Variants in DSTN observed in about 807,000 individuals in gnomAD.
DSTN encodes destrin.
Under a neutral mutation model 16.8 loss-of-function variants are expected in DSTN, and 10 were observed. The observed-to-expected ratio is 0.60, with a 90% CI of 0.37 to 1.01. The LOEUF (loss-of-function observed/expected upper bound fraction) is 1.01. Ranked by LOEUF, DSTN falls within the 50% of genes least tolerant of loss-of-function variation. The probability of loss-of-function intolerance (pLI) is 0.01; values close to 1 mark genes in which losing one functional copy is unlikely to be tolerated. For missense variants in DSTN, 141 were observed against 196.7 expected (o/e 0.72, Z 1.69); for synonymous variants, 57 against 58.9 (o/e 0.97, Z 0.14).
rs6136141 is a variant in DSTN at position 17,587,172 on chromosome 20, C to T, written c.4-13566C>T. On this transcript the variant is annotated intron_variant, in intron 1 of 3. Transcript: ENST00000246069. The stretch of plus-strand genomic sequence containing the variant: ...TTAAATCCATTATTTCACTTCTTCC[C>T]CAATAACTAGGCTTTTGTTTCTCAA... Among the ~76,000 whole-genome samples, 937 of 150,688 alleles carry T rather than the reference C, an allele frequency of 6.2e-3. 23 individuals carry two copies. In the East Asian group the frequency reaches 0.081, roughly 13 times the overall value.
intron 3 of DSTN, among the ~76,000 whole-genome samples, chr20:17,605,530 G>T (rs1216458202): frequency 6.6e-6 from 1 of 152,128 alleles, no homozygotes; most frequent in Non-Finnish European, 1.5e-5. Context: ...GTTTGCCCTA[G>T]CCTGTTTTAC....
chr20:17,581,862 A>T (rs2035348787), intron 1 of DSTN, among the ~76,000 whole-genome samples: 1 of 152,196 alleles, frequency 6.6e-6, no homozygotes, highest in African/African-American at 2.4e-5. Context: ...AAAGTAGTAT[A>T]TATTCATTGT....
In DSTN at chr20:17,607,123, G is replaced by T. The variant is rs1300582549; in HGVS notation, c.475G>T (p.Ala159Ser). The T allele has an allele frequency of 6.2e-7, 1 of 1,612,536 alleles. No homozygotes were observed. The highest frequency in any genetic ancestry group is 8.5e-7 in the Non-Finnish European group (1 of 1,179,948). ...AEKLGGSLIV[A>S]FEGCPV is the part of the protein sequence containing the mutation. Reference sequence around the variant, plus strand: ...AAAGTTAGGTGGATCCTTAATTGTAGCCTTTGAAGGATGCCCTGTGTAGAT... The same window carrying T: ...AAAGTTAGGTGGATCCTTAATTGTATCCTTTGAAGGATGCCCTGTGTAGAT... Residue 159 changes from alanine to serine, a missense_variant, in exon 4 of 4, where the codon GCC becomes TCC. Transcript: ENST00000246069.
intron 1 of DSTN, among the ~76,000 whole-genome samples, chr20:17,571,627 G>C (rs1268588285): frequency 6.6e-6 from 1 of 152,150 alleles, no homozygotes; most frequent in Admixed American, 6.5e-5. Flanking sequence ...GTTATGGTAC[G>C]CTTAAGACCA....
chr20:17,609,417 TGCCGTACTCAAAAGTCA>T lies in DSTN; in HGVS notation c.*2275_*2291del, dbSNP rs1252721818. 1 of 152,230 alleles carries T rather than the reference TGCCGTACTCAAAAGTCA, an allele frequency of 6.6e-6. No individual in the cohort carries two copies. The highest frequency in any genetic ancestry group is 1.5e-5 in the Non-Finnish European group (1 of 68,052). The allele number at this position is 152,230 out of a possible 1,614,324, so 9.4% of individuals were successfully genotyped here. On this transcript the variant is annotated 3_prime_UTR_variant, in exon 4 of 4. Transcript: ENST00000246069. ...CAGGGAAGTGCCATAAGCCCAAGAC[TGCCGTACTCAAAAGTCA>T]GCCATGTAGGTAAAGCAAGATATTT...
At position 17,600,602 on chromosome 20, in the gene DSTN, C is replaced by A. The variant is rs1015296442; in HGVS notation, c.4-136C>A. On this transcript the variant is annotated intron_variant, in intron 1 of 3. Coordinates refer to ENST00000246069, the MANE Select transcript of DSTN (RefSeq NM_006870.4). ...TCTAAAATTAGTAGTGATTACAGCT[C>A]AAATTTCTAGTTTTTTAATTAGATG... The A allele has an allele frequency of 2.4e-5, 26 of 1,087,208 alleles. No individual in the cohort carries two copies. The Admixed American group carries it at 8.5e-4, about 36-fold the overall frequency. The allele number at this position is 1,087,208 out of a possible 1,614,324, so 67.3% of individuals were successfully genotyped here.
intron 2 of DSTN, among the ~76,000 whole-genome samples, chr20:17,602,164 T>C (rs578138376): frequency 6.9e-4 from 105 of 152,316 alleles, no homozygotes; most frequent in African/African-American, 2.4e-3. Context: ...TTAAACCAAG[T>C]TGCTGTGAGG....
intron 1 of DSTN, among the ~76,000 whole-genome samples, chr20:17,597,443 G>C (rs2035538391): frequency 6.6e-6 from 1 of 152,202 alleles, no homozygotes; most frequent in Non-Finnish European, 1.5e-5. Context: ...TCTTGCATGT[G>C]TTTTAAAGTG....
chr20:17,606,940 C>T, intron 3 of DSTN, 97 bp from the exon 4 acceptor site: 2 of 1,139,218 alleles, frequency 1.8e-6, no homozygotes, highest in Non-Finnish European at 2.5e-6. Flanking sequence ...CCCAGTTTAT[C>T]CAGATTAGAA....
chr20:17,570,176 C>A lies in DSTN; in HGVS notation c.-33C>A. 6.6e-7 allele frequency: 1 copy of A among 1,519,074 alleles called. No individual in the cohort carries two copies. The highest frequency in any genetic ancestry group is 2.7e-5 in the East Asian group (1 of 37,480). The allele number at this position is 1,519,074 out of a possible 1,614,324, so 94.1% of individuals were successfully genotyped here. On this transcript the variant is annotated 5_prime_UTR_variant, in exon 1 of 4. Coordinates refer to ENST00000246069, the MANE Select transcript of DSTN (RefSeq NM_006870.4). ...TGCATACTCGCTGCCCGCCGGCTCC[C>A]TCCCCCGCGTCCCTGCGACCGCCGC...
rs11905035 is a variant in DSTN at position 17,584,971 on chromosome 20, G to A, written c.3+14760G>A. ...AGTTCTCCTGTTTTTATTTCTTTGG[G>A]CTGTCTGTTTTTTTAGTATTATGTA... On this transcript the variant is annotated intron_variant, in intron 1 of 3. Transcript: ENST00000246069. 4.0e-3 allele frequency among the ~76,000 whole-genome samples: 613 copies of A among 152,164 alleles called. 7 individuals carry two copies. Among genetic ancestry groups the A allele is most frequent in the African/African-American group, 0.014 (593 of 41,504 alleles).
chr20:17,580,100 A>T (rs1387225901), intron 1 of DSTN, among the ~76,000 whole-genome samples: 1 of 152,176 alleles, frequency 6.6e-6, no homozygotes, highest in Admixed American at 6.5e-5. Flanking sequence ...CAATAGTTTT[A>T]TTCTTTCTTT....
intron 1 of DSTN, among the ~76,000 whole-genome samples, chr20:17,579,268 G>A (rs940428020): frequency 2.6e-5 from 4 of 152,076 alleles, no homozygotes; most frequent in African/African-American, 7.2e-5. Context: ...AATGATGCAT[G>A]TAACTAGTTT....
intron 1 of DSTN, among the ~76,000 whole-genome samples, chr20:17,578,014 ATGTGG>A (rs1283017153): frequency 1.3e-5 from 2 of 152,276 alleles, no homozygotes; most frequent in African/African-American, 4.8e-5. Context: ...GTTAAGTCAC[ATGTGG>A]CTAGTGGCCA....
intron 3 of DSTN, chr20:17,605,288 G>A: frequency 9.9e-6 from 4 of 404,266 alleles, no homozygotes; most frequent in South Asian, 5.4e-5. Context: ...TCTAACTGCT[G>A]TGTGGCCTTG....
chr20:17,588,831 A>T (rs1196813123), intron 1 of DSTN, among the ~76,000 whole-genome samples: 1 of 152,174 alleles, frequency 6.6e-6, no homozygotes, highest in Non-Finnish European at 1.5e-5. Flanking sequence ...GTTGGACAGC[A>T]CGGCTCTCTA....
At position 17,607,137 on chromosome 20, in the gene DSTN, C is replaced by T. The variant is rs1258759500; in HGVS notation, c.489C>T (p.Cys163=). 6.2e-7 allele frequency: 1 copy of T among 1,611,928 alleles called. No homozygotes were observed. The highest frequency in any genetic ancestry group is 8.5e-7 in the Non-Finnish European group (1 of 1,179,720). Residue 163 remains cysteine (C), a synonymous_variant, in exon 4 of 4, where the codon TGC becomes TGT. Coordinates refer to ENST00000246069, the MANE Select transcript of DSTN (RefSeq NM_006870.4). ...GGSLIVAFEG[C]PV is the part of the protein sequence containing the mutation. ...CCTTAATTGTAGCCTTTGAAGGATG[C>T]CCTGTGTAGATTATTCAGTGCCACA...
chr20:17,602,237 A>G (rs972136942), intron 2 of DSTN, among the ~76,000 whole-genome samples: 10 of 152,340 alleles, frequency 6.6e-5, no homozygotes, highest in South Asian at 4.1e-4. Flanking sequence ...AAGCTGGTAC[A>G]TAAGACTGAA....
At chr20:17,579,581 C>G (rs1450877854) in intron 1 of DSTN, among the ~76,000 whole-genome samples, 1 of 152,002 alleles carries the variant, frequency 6.6e-6, no homozygotes, top group African/African-American at 2.4e-5. Context: ...AGACCCTGAT[C>G]CCCCCAAAAA....
Sources: gnomAD v4.1 joint callset for allele counts (sites outside exome capture counted in the v4.1 genomes callset) on GRCh38, gnomAD v4.1.1 for gene constraint, MANE v1.5 for transcripts, NCBI Gene and HGNC (gene_info 2026-07-23, HGNC 2026-07-21) for gene names.